The following ENAH variants were observed in gnomAD, a reference collection of about 807,000 sequenced individuals.
ENAH encodes the protein ENAH actin regulator.
ENAH carries 23 observed loss-of-function variants against 78.7 expected under a neutral mutation model. That is an observed-to-expected ratio of 0.29 (90% CI 0.21 to 0.41). The LOEUF is 0.41. Ranked by LOEUF, ENAH falls within the 10% of genes least tolerant of loss-of-function variation. The pLI is 1.00. For missense variants in ENAH, 544 were observed against 691.0 expected (o/e 0.79, Z 2.39); for synonymous variants, 226 against 241.0 (o/e 0.94, Z 0.58).
chr1:225,541,942 T>C (rs1008907047), intron 3 of ENAH, among the ~76,000 whole-genome samples: 2 of 152,154 alleles, frequency 1.3e-5, no homozygotes, highest in African/African-American at 4.8e-5. Context: ...AGTGCAATGG[T>C]GAGTTCCAGT....
At chr1:225,577,665 C>G (rs1304597153) in intron 1 of ENAH, among the ~76,000 whole-genome samples, 6 of 152,146 alleles carry the variant, frequency 3.9e-5, no homozygotes, top group Admixed American at 3.9e-4. Flanking sequence ...TATAACTGAT[C>G]CAGATTCACC....
intron 1 of ENAH, among the ~76,000 whole-genome samples, chr1:225,623,710 T>C (rs1038294342): frequency 9.4e-5 from 14 of 148,980 alleles, no homozygotes; most frequent in African/African-American, 2.8e-4. Flanking sequence ...CTCAGCCTCC[T>C]GAGTAGCTGG....
chr1:225,598,271 T>A (rs1374639784), intron 1 of ENAH, among the ~76,000 whole-genome samples: 1 of 151,918 alleles, frequency 6.6e-6, no homozygotes, highest in Non-Finnish European at 1.5e-5. Flanking sequence ...TATAATATCT[T>A]GCTGTTTTCT....
chr1:225,575,416 C>G (rs1322682423), intron 1 of ENAH, among the ~76,000 whole-genome samples: 1 of 152,232 alleles, frequency 6.6e-6, no homozygotes, highest in Non-Finnish European at 1.5e-5. Flanking sequence ...AGGATAAACT[C>G]TGGCTTCACA....
intron 1 of ENAH, among the ~76,000 whole-genome samples, chr1:225,593,732 C>A (rs985500476): frequency 6.6e-6 from 1 of 152,144 alleles, no homozygotes; most frequent in Non-Finnish European, 1.5e-5. Context: ...TTTTATCATT[C>A]GTCTTCAGCT....
Position 225,652,590 on chromosome 1 carries a change from C to A in ENAH, c.5+96G>T, listed in dbSNP as rs1046883219. ...AGACCGGAGACCAGGGGAGACGCGC[C>A]GGGCCGGGAGAGGGAAGGCGGGGTC... On this transcript the variant is annotated intron_variant, in intron 1 of 13. Transcript: ENST00000366843. The A allele has an allele frequency of 1.0e-5, 12 of 1,182,826 alleles. No homozygotes were observed. In the Admixed American group the frequency reaches 2.5e-4, roughly 25 times the overall value. 73.3% of individuals were successfully genotyped at this position (1,182,826 alleles called of 1,614,324 possible).
intron 5 of ENAH, chr1:225,518,085 A>T: frequency 9.8e-7 from 1 of 1,015,270 alleles, no homozygotes; most frequent in Non-Finnish European, 1.4e-6. Context: ...ATTCAGACAC[A>T]ATGTATAAAT....
At chr1:225,505,714 A>G (rs1203782061) in intron 11 of ENAH, among the ~76,000 whole-genome samples, 1 of 152,202 alleles carries the variant, frequency 6.6e-6, no homozygotes, top group Non-Finnish European at 1.5e-5. Flanking sequence ...CATATTTTAA[A>G]AATCCTTTAT....
At chr1:225,500,345 C>A (rs1230943968) in intron 12 of ENAH, among the ~76,000 whole-genome samples, 1 of 152,116 alleles carries the variant, frequency 6.6e-6, no homozygotes, top group African/African-American at 2.4e-5. Flanking sequence ...TGGACAGTAT[C>A]TTTTTCTTTT....
intron 1 of ENAH, chr1:225,581,194 T>A (rs1344199868): frequency 1.2e-5 from 10 of 801,964 alleles, no homozygotes; most frequent in African/African-American, 1.9e-5. Context: ...TTCCCTATCT[T>A]AATAAATTCT....
intron 1 of ENAH, among the ~76,000 whole-genome samples, chr1:225,623,872 A>G (rs1657462267): frequency 6.6e-6 from 1 of 152,104 alleles, no homozygotes; most frequent in Non-Finnish European, 1.5e-5. Flanking sequence ...TACAGGCGTA[A>G]GCCACCGGGC....
chr1:225,599,113 T>C (rs79995081), intron 1 of ENAH, among the ~76,000 whole-genome samples: 6,512 of 152,284 alleles, frequency 0.043, 226 homozygotes, highest in South Asian at 0.1. Context: ...CAAAAATGTT[T>C]AGCCTGAATC....
intron 1 of ENAH, among the ~76,000 whole-genome samples, chr1:225,607,338 T>TG (rs971259576): frequency 6.6e-6 from 1 of 152,112 alleles, no homozygotes; most frequent in Non-Finnish European, 1.5e-5. Flanking sequence ...CCACAGGCCA[T>TG]GGGTTGGACA....
intron 1 of ENAH, among the ~76,000 whole-genome samples, chr1:225,615,242 GC>G (rs2097020060): frequency 6.6e-6 from 1 of 152,152 alleles, no homozygotes; most frequent in Non-Finnish European, 1.5e-5. Context: ...ACGGGGTTTC[GC>G]CGTGTTGGCC....
chr1:225,546,678 A>G (rs945082832), intron 3 of ENAH, among the ~76,000 whole-genome samples: 5 of 152,222 alleles, frequency 3.3e-5, no homozygotes, highest in African/African-American at 1.2e-4. Context: ...AGGCCACAGG[A>G]TCTGGAGGCC....
rs147401807 is a variant in ENAH at position 225,517,219 on chromosome 1, G to A, written c.890C>T (p.Pro297Leu). 2.1e-5 allele frequency: 33 copies of A among 1,544,788 alleles called. No individual in the cohort carries two copies. Among genetic ancestry groups the A allele is most frequent in the South Asian group, 6.0e-5 (5 of 83,144 alleles). ...ACCCTGTTGGGATGGAGTCTCGGCCGGCTGAGAGGCTGCCTGCAAGCCTGG... is the reference window on the plus strand; with the variant it reads ...ACCCTGTTGGGATGGAGTCTCGGCCAGCTGAGAGGCTGCCTGCAAGCCTGG... ...SEPGLQAASQ[P>L]AETPSQQGIV... The change falls in exon 6 of 14, where the codon CCG (proline) becomes CTG (leucine). Residue 297 changes from proline (P) to leucine (L), a missense_variant. Pro to Leu is a moderately conservative substitution (Grantham distance 98). Around this residue, in one of 4 missense-constraint regions of ENAH, gnomAD observed 366 missense variants for 396.1 expected, o/e 0.92. Coordinates refer to ENST00000366843, the MANE Select transcript of ENAH (RefSeq NM_018212.6).
intron 1 of ENAH, among the ~76,000 whole-genome samples, chr1:225,597,558 G>A (rs572422943): frequency 4.0e-5 from 6 of 150,816 alleles, no homozygotes; most frequent in South Asian, 2.1e-4. Context: ...CCAGGAGCCC[G>A]AGACAGGAGG....
intron 1 of ENAH, among the ~76,000 whole-genome samples, chr1:225,584,143 A>G (rs751338014): frequency 1.3e-5 from 2 of 152,226 alleles, no homozygotes; most frequent in African/African-American, 2.4e-5. Flanking sequence ...ACAGAGCAAG[A>G]CTCTGTTTCA....
At chr1:225,609,751 A>T (rs1366151151) in intron 1 of ENAH, among the ~76,000 whole-genome samples, 1 of 128,026 alleles carries the variant, frequency 7.8e-6, no homozygotes, top group Non-Finnish European at 1.5e-5. Context: ...TGCAACATCC[A>T]CCTCTCAGGT....
Sources: gnomAD v4.1 joint callset for allele counts (sites outside exome capture counted in the v4.1 genomes callset) on GRCh38, gnomAD v4.1.1 for gene constraint, gnomAD v4.1.1 regional missense constraint, MANE v1.5 for transcripts, NCBI Gene and HGNC (gene_info 2026-07-23, HGNC 2026-07-21) for gene names.